ST6GALNAC3: variants seen among roughly 807,000 people sequenced by gnomAD.
ST6GALNAC3 encodes ST6 N-acetylgalactosaminide alpha-2,6-sialyltransferase 3.
In ST6GALNAC3, 25 loss-of-function variants were observed where a neutral mutation model predicts 32.7. The ratio of observed to expected loss-of-function variants is 0.76; its 90% CI spans 0.56 to 1.07. The LOEUF (loss-of-function observed/expected upper bound fraction) is 1.07, where lower values mean the gene tolerates loss of function less well. ST6GALNAC3 is among the 50% of genes least tolerant of loss of function. The pLI, the probability that ST6GALNAC3 is intolerant of heterozygous loss-of-function variation, is 0.00. For missense variants in ST6GALNAC3, 355 were observed against 382.4 expected (o/e 0.93, Z 0.60); for synonymous variants, 129 against 133.1 (o/e 0.97, Z 0.21).
intron 3 of ST6GALNAC3, among the ~76,000 whole-genome samples, chr1:76,519,107 A>C (rs1662353964): frequency 6.6e-6 from 1 of 152,082 alleles, no homozygotes; most frequent in Non-Finnish European, 1.5e-5. Context: ...AAAAACATGC[A>C]TTCTGGTTAA....
At chr1:76,267,713 A>G (rs1183650810) in intron 1 of ST6GALNAC3, among the ~76,000 whole-genome samples, 1 of 152,192 alleles carries the variant, frequency 6.6e-6, no homozygotes, top group Non-Finnish European at 1.5e-5. Context: ...GTAATAGGCA[A>G]ATGAAGGGAA....
chr1:76,166,197 G>A (rs1652114405), intron 1 of ST6GALNAC3, among the ~76,000 whole-genome samples: 1 of 152,084 alleles, frequency 6.6e-6, no homozygotes, highest in Admixed American at 6.6e-5. Flanking sequence ...CGGAAGGAAG[G>A]GGTCCAGTTT....
At chr1:76,385,466 A>G (rs1253532480) in intron 2 of ST6GALNAC3, among the ~76,000 whole-genome samples, 1 of 152,136 alleles carries the variant, frequency 6.6e-6, no homozygotes, top group Non-Finnish European at 1.5e-5. Flanking sequence ...TGGGCAAGTC[A>G]CTTAAACTCT....
chr1:76,239,874 A>C (rs941111433), intron 1 of ST6GALNAC3, among the ~76,000 whole-genome samples: 2 of 152,202 alleles, frequency 1.3e-5, no homozygotes, highest in Non-Finnish European at 2.9e-5. Context: ...GGCTAATAGA[A>C]GTTTAGTCTG....
At chr1:76,612,685 G>T (rs1648015342) in intron 3 of ST6GALNAC3, among the ~76,000 whole-genome samples, 1 of 152,092 alleles carries the variant, frequency 6.6e-6, no homozygotes, top group African/African-American at 2.4e-5. Flanking sequence ...TTTAAAAAAA[G>T]CCTTTCATAT....
intron 1 of ST6GALNAC3, among the ~76,000 whole-genome samples, chr1:76,162,771 C>T (rs192211393): frequency 6.6e-6 from 1 of 152,084 alleles, no homozygotes. Flanking sequence ...TATGTAAGTG[C>T]CAGGTGAGCA....
chr1:76,214,304 G>A (rs2100583460), intron 1 of ST6GALNAC3, among the ~76,000 whole-genome samples: 1 of 152,290 alleles, frequency 6.6e-6, no homozygotes, highest in African/African-American at 2.4e-5. Context: ...AGCTCTCTCA[G>A]TGCTGACCTA....
At chr1:76,347,507 T>TAC (rs1648618970) in intron 2 of ST6GALNAC3, among the ~76,000 whole-genome samples, 1 of 152,028 alleles carries the variant, frequency 6.6e-6, no homozygotes, top group Non-Finnish European at 1.5e-5. Context: ...TTTATATATA[T>TAC]ATATACCAAA....
intron 2 of ST6GALNAC3, among the ~76,000 whole-genome samples, chr1:76,345,867 C>G (rs906683810): frequency 2.6e-5 from 4 of 152,234 alleles, no homozygotes; most frequent in Admixed American, 6.5e-5. Context: ...AACCAATTGT[C>G]CTTCCTCAGG....
At position 76,537,901 on chromosome 1, in the gene ST6GALNAC3, C is replaced by T. The variant is rs571528192; in HGVS notation, c.624-89551C>T. ...ATAGCCTACCAACCAAAAAAAAGACCATGACCAGATGGATTCACAGCCGAA... is the reference window on the plus strand; with the variant it reads ...ATAGCCTACCAACCAAAAAAAAGACTATGACCAGATGGATTCACAGCCGAA... On this transcript the variant is annotated intron_variant, in intron 3 of 4. Transcript: ENST00000328299. 2.5e-3 allele frequency among the ~76,000 whole-genome samples: 387 copies of T among 152,110 alleles called. 2 individuals are homozygous for T. The highest frequency in any genetic ancestry group is 9.0e-3 in the African/African-American group (374 of 41,492).
At chr1:76,187,125 C>A (rs537706885) in intron 1 of ST6GALNAC3, among the ~76,000 whole-genome samples, 1 of 152,248 alleles carries the variant, frequency 6.6e-6, no homozygotes, top group African/African-American at 2.4e-5. Context: ...TCCTTCTGAT[C>A]TTCTTCTTAA....
intron 1 of ST6GALNAC3, among the ~76,000 whole-genome samples, chr1:76,282,950 A>G (rs1659579819): frequency 6.6e-6 from 1 of 152,146 alleles, no homozygotes; most frequent in African/African-American, 2.4e-5. Flanking sequence ...GAGGCAGAAG[A>G]ATTGCTTGAG....
chr1:76,503,864 C>G (rs1661322434), intron 3 of ST6GALNAC3, among the ~76,000 whole-genome samples: 1 of 152,166 alleles, frequency 6.6e-6, no homozygotes, highest in Admixed American at 6.5e-5. Flanking sequence ...TGGTTGTCCT[C>G]TATGGCATCC....
At chr1:76,402,186 A>G (rs1653476587) in intron 2 of ST6GALNAC3, among the ~76,000 whole-genome samples, 1 of 152,214 alleles carries the variant, frequency 6.6e-6, no homozygotes, top group Non-Finnish European at 1.5e-5. Context: ...TTTTGAAACT[A>G]GAAGGCGTAC....
intron 3 of ST6GALNAC3, among the ~76,000 whole-genome samples, chr1:76,568,356 G>A (rs966702729): frequency 2.0e-5 from 3 of 152,152 alleles, no homozygotes; most frequent in Non-Finnish European, 1.5e-5. Context: ...TGCATGTTAA[G>A]CATTTCACAT....
intron 1 of ST6GALNAC3, among the ~76,000 whole-genome samples, chr1:76,285,869 T>G (rs1659745919): frequency 6.6e-6 from 1 of 152,022 alleles, no homozygotes; most frequent in South Asian, 2.1e-4. Flanking sequence ...CAGACACACA[T>G]GCCCACACAC....
chr1:76,276,535 G>A (rs1202146170), intron 1 of ST6GALNAC3, among the ~76,000 whole-genome samples: 1 of 152,082 alleles, frequency 6.6e-6, no homozygotes, highest in Non-Finnish European at 1.5e-5. Context: ...ATTCCATTGT[G>A]TGATTAAGCC....
chr1:76,171,475 CA>C (rs1164762558), intron 1 of ST6GALNAC3, among the ~76,000 whole-genome samples: 2 of 147,712 alleles, frequency 1.4e-5, no homozygotes, highest in Non-Finnish European at 3.0e-5. Flanking sequence ...AAAAATCCTC[CA>C]AAAAAATCAA....
chr1:76,141,185 A>G (rs1650297874), intron 1 of ST6GALNAC3, among the ~76,000 whole-genome samples: 1 of 152,192 alleles, frequency 6.6e-6, no homozygotes, highest in African/African-American at 2.4e-5. Flanking sequence ...ATTAGCCAGC[A>G]TGATTTATTT....
Sources: gnomAD v4.1 joint callset for allele counts (sites outside exome capture counted in the v4.1 genomes callset) on GRCh38, gnomAD v4.1.1 for gene constraint, MANE v1.5 for transcripts, NCBI Gene and HGNC (gene_info 2026-07-23, HGNC 2026-07-21) for gene names.